The following GNA11 variants were observed in gnomAD, a reference collection of about 807,000 sequenced individuals.
GNA11 encodes the protein G protein subunit alpha 11, also known as guanine nucleotide-binding protein subunit alpha-11.
A neutral mutation model predicts 38.2 loss-of-function variants in GNA11; 8 were observed. The observed-to-expected ratio is 0.21, with a 90% confidence interval of 0.12 to 0.38. The LOEUF (loss-of-function observed/expected upper bound fraction) is 0.38. Among genes scored for constraint, GNA11 ranks in the 10% least tolerant of loss-of-function variants. The probability of loss-of-function intolerance (pLI) is 1.00; values close to 1 mark genes in which losing one functional copy is unlikely to be tolerated. For missense variants in GNA11, 268 were observed against 516.3 expected, an observed-to-expected ratio of 0.52 and a Z score of 4.66; for synonymous variants, 211 against 221.4, an observed-to-expected ratio of 0.95 and a Z score of 0.42.
intron 1 of GNA11, among the ~76,000 whole-genome samples, chr19:3,100,553 G>A (rs1913477436): frequency 6.6e-6 from 1 of 152,232 alleles, no homozygotes; most frequent in African/African-American, 2.4e-5. Context: ...TGCCCTGCAG[G>A]CTGGTCTGGT....
intron 1 of GNA11, among the ~76,000 whole-genome samples, chr19:3,104,766 C>T (rs308053): frequency 0.36 from 54,805 of 152,050 alleles, 10,767 homozygotes; most frequent in Non-Finnish European, 0.45. Flanking sequence ...AGGCTGCAGA[C>T]GGGCACTGCC....
chr19:3,099,353 G>A (rs2060074883), intron 1 of GNA11, among the ~76,000 whole-genome samples: 1 of 152,194 alleles, frequency 6.6e-6, no homozygotes, highest in African/African-American at 2.4e-5. Flanking sequence ...GCCCACCTGG[G>A]TGACTGAGAG....
rs1009242277 is a variant in GNA11 at position 3,102,635 on chromosome 19, G to A, written c.137-7514G>A. ...GGCAGCTTGTCCTCTCCGTGCCTCAGTTTCCCCTCCAGTCAATCAGGCGCT... is the reference window on the plus strand; with the variant it reads ...GGCAGCTTGTCCTCTCCGTGCCTCAATTTCCCCTCCAGTCAATCAGGCGCT... On this transcript the variant is annotated intron_variant, in intron 1 of 6. Transcript: ENST00000078429. Among the ~76,000 whole-genome samples the A allele has an allele frequency of 2.0e-5, 3 of 152,180 alleles. 1 individual carries two copies. Among genetic ancestry groups the A allele is most frequent in the African/African-American group, 7.2e-5 (3 of 41,464 alleles).
Position 3,094,596 on chromosome 19 carries a change from G to A in GNA11, c.-56G>A. 9 of 930,118 alleles carry A rather than the reference G, an allele frequency of 9.7e-6. No homozygotes were observed. The highest frequency in any genetic ancestry group is 1.2e-5 in the Non-Finnish European group (9 of 769,170). 57.6% of individuals were successfully genotyped at this position (930,118 alleles called of 1,614,324 possible). A position where few individuals can be genotyped will look rare whatever the true frequency, so the allele number is the denominator to read the frequency against. Reference sequence around the variant, plus strand: ...CCGAGGCGGCTCCGGCCAGGGCCGGGCCGGGGGCCGGGGGGCGGCGGCGGG... The same window carrying A: ...CCGAGGCGGCTCCGGCCAGGGCCGGACCGGGGGCCGGGGGGCGGCGGCGGG... On this transcript the variant is annotated 5_prime_UTR_variant, in exon 1 of 7. Coordinates refer to ENST00000078429, the MANE Select transcript of GNA11 (RefSeq NM_002067.5). This position sits in a 1 kb window ranked among gnomAD's most constrained non-coding sequence, Gnocchi z 6.0.
Position 3,113,475 on chromosome 19 carries a change from C to G in GNA11, c.467C>G (p.Ser156Cys). 1 of 1,602,402 alleles carries G rather than the reference C, an allele frequency of 6.2e-7. No homozygotes were observed. Among genetic ancestry groups the G allele is most frequent in the Non-Finnish European group, 8.5e-7 (1 of 1,173,114 alleles). Residue 156 changes from serine (S) to cysteine (C), a missense_variant, in exon 3 of 7, where the codon TCT becomes TGT. Ser to Cys is a moderately radical substitution (Grantham distance 112). Around this residue, in one of 3 missense-constraint regions of GNA11, gnomAD observed 151 missense variants for 254.0 expected, o/e 0.59. Transcript: ENST00000078429. ...AGGCGCGAGTACCAGCTCTCCGACT[C>G]TGCCAAGTAGTAAGTGCGGCCGCAC... ...DRRREYQLSD[S>C]AKYYLTDVDR...
At chr19:3,102,182 G>A (rs1405270263) in intron 1 of GNA11, among the ~76,000 whole-genome samples, 1 of 152,116 alleles carries the variant, frequency 6.6e-6, no homozygotes, top group Non-Finnish European at 1.5e-5. Flanking sequence ...TTCCAGTGGA[G>A]GGGTGGGGTC....
chr19:3,115,274 G>A (rs1694373862), intron 4 of GNA11: 3 of 529,324 alleles, frequency 5.7e-6, no homozygotes, highest in Non-Finnish European at 3.3e-6. Flanking sequence ...GCGTGGTTGT[G>A]TGCACCTGTG....
At position 3,121,254 on chromosome 19, in the gene GNA11, G is replaced by A. The variant is rs375406433; in HGVS notation, c.*75G>A. On this transcript the variant is annotated 3_prime_UTR_variant, in exon 7 of 7. Transcript: ENST00000078429. Reference sequence around the variant, plus strand: ...TCCACGGAGCCTGCGGCTGCCGGGCGGGTGGCGCTGCCGAGTCCGGGCCGG... The same window carrying A: ...TCCACGGAGCCTGCGGCTGCCGGGCAGGTGGCGCTGCCGAGTCCGGGCCGG... 7.3e-5 allele frequency: 89 copies of A among 1,227,460 alleles called. No homozygotes were observed. The Admixed American group carries it at 7.4e-4, about 10-fold the overall frequency. The allele number at this position is 1,227,460 out of a possible 1,614,324, so 76.0% of individuals were successfully genotyped here. A position where few individuals can be genotyped will look rare whatever the true frequency, so the allele number is the denominator to read the frequency against.
At chr19:3,118,559 CT>C (rs1322765621) in intron 4 of GNA11, 1 of 236,260 alleles carries the variant, frequency 4.2e-6, no homozygotes, top group African/African-American at 2.2e-5. Context: ...AGGGGAAAGG[CT>C]TCTGTGCTCA....
In GNA11 at chr19:3,119,103, CCTG is replaced by C; in HGVS notation, c.735+52_735+54del. 6.2e-7 allele frequency: 1 copy of C among 1,606,958 alleles called. No individual in the cohort carries two copies. The highest frequency in any genetic ancestry group is 1.3e-5 in the African/African-American group (1 of 74,922). On this transcript the variant is annotated intron_variant, in intron 5 of 6. Coordinates refer to ENST00000078429, the MANE Select transcript of GNA11 (RefSeq NM_002067.5). This position sits in a 1 kb window ranked among gnomAD's most constrained non-coding sequence, Gnocchi z 4.6. ...AGCGTTGGGGGCCGGGCCTTCCCCACCTGCCAAGCCTGGGTCCCCTCACCTGGG... is the reference window on the plus strand; with the variant it reads ...AGCGTTGGGGGCCGGGCCTTCCCCACCCAAGCCTGGGTCCCCTCACCTGGG...
chr19:3,108,688 G>A lies in GNA11; in HGVS notation c.137-1461G>A, dbSNP rs1278967237. Among the ~76,000 whole-genome samples, 1 of 152,208 alleles carries A rather than the reference G, an allele frequency of 6.6e-6. No individual in the cohort carries two copies. Among genetic ancestry groups the A allele is most frequent in the African/African-American group, 2.4e-5 (1 of 41,460 alleles). On this transcript the variant is annotated intron_variant, in intron 1 of 6. Transcript: ENST00000078429. This position sits in a 1 kb window ranked among gnomAD's most constrained non-coding sequence, Gnocchi z 4.5. ...TGTAATGGGGTCACCCCAAAACTTC[G>A]CAACTTAAATTAACAAAACTTATTT...
chr19:3,108,108 G>T lies in GNA11; in HGVS notation c.137-2041G>T, dbSNP rs974210828. 6.6e-6 allele frequency among the ~76,000 whole-genome samples: 1 copy of T among 152,192 alleles called. No homozygotes were observed. The highest frequency in any genetic ancestry group is 1.5e-5 in the Non-Finnish European group (1 of 68,026). ...CAGCTGCCACCGGGGCTCCCCACTCGGGATGTGTTGGGTGTTTTGCGAGAC... is the reference window on the plus strand; with the variant it reads ...CAGCTGCCACCGGGGCTCCCCACTCTGGATGTGTTGGGTGTTTTGCGAGAC... On this transcript the variant is annotated intron_variant, in intron 1 of 6. Coordinates refer to ENST00000078429, the MANE Select transcript of GNA11 (RefSeq NM_002067.5). The surrounding 1 kb of genome is among the most constrained non-coding windows in gnomAD (Gnocchi z 4.5).
chr19:3,103,517 A>ATTTTT (rs1568280006), intron 1 of GNA11, among the ~76,000 whole-genome samples: 3 of 60,344 alleles, frequency 5.0e-5, no homozygotes, highest in Admixed American at 1.9e-4. Context: ...CCGGCCTTGA[A>ATTTTT]TCTTTTTTTT....
At chr19:3,115,143 C>T (rs2145321447) in intron 4 of GNA11, 71 bp downstream of exon 4, 1 of 1,536,864 alleles carries the variant, frequency 6.5e-7, no homozygotes, top group Middle Eastern at 1.7e-4. Flanking sequence ...CCGGCTCATG[C>T]CTGCGCACCC....
At position 3,123,603 on chromosome 19, in the gene GNA11, C is replaced by T. The variant is rs1189888224; in HGVS notation, c.*2424C>T. ...CCATGTTACGCCCGGGCGGCAGCAG[C>T]CCCCGGCCACTGCAAACCCATGCCC... On this transcript the variant is annotated 3_prime_UTR_variant, in exon 7 of 7. Coordinates refer to ENST00000078429, the MANE Select transcript of GNA11 (RefSeq NM_002067.5). 4.3e-6 allele frequency: 1 copy of T among 232,954 alleles called. No homozygotes were observed. The highest frequency in any genetic ancestry group is 8.5e-6 in the Non-Finnish European group (1 of 117,814). 14.4% of individuals were successfully genotyped at this position (232,954 alleles called of 1,614,324 possible). A position where few individuals can be genotyped will look rare whatever the true frequency, so the allele number is the denominator to read the frequency against.
In GNA11 at chr19:3,119,504, C is replaced by T. The variant is rs2145327355; in HGVS notation, c.889+145C>T. On this transcript the variant is annotated intron_variant, in intron 6 of 6. Transcript: ENST00000078429. The surrounding 1 kb of genome is among the most constrained non-coding windows in gnomAD (Gnocchi z 4.6). ...GGTGTCATGTATGGGAGTGGAGTCTCAGGGAAGGGAGATCTCGTATGAGGG... is the reference window on the plus strand; with the variant it reads ...GGTGTCATGTATGGGAGTGGAGTCTTAGGGAAGGGAGATCTCGTATGAGGG... 4.6e-6 allele frequency: 3 copies of T among 645,710 alleles called. No homozygotes were observed. In the South Asian group the frequency reaches 6.7e-5, roughly 14 times the overall value. 40.0% of individuals were successfully genotyped at this position (645,710 alleles called of 1,614,324 possible).
Position 3,120,620 on chromosome 19 carries a change from G to A in GNA11, c.890-369G>A, listed in dbSNP as rs2145328442. 6.6e-6 allele frequency among the ~76,000 whole-genome samples: 1 copy of A among 152,304 alleles called. No individual in the cohort carries two copies. The highest frequency in any genetic ancestry group is 2.4e-5 in the African/African-American group (1 of 41,572). On this transcript the variant is annotated intron_variant, in intron 6 of 6. Coordinates refer to ENST00000078429, the MANE Select transcript of GNA11 (RefSeq NM_002067.5). The surrounding 1 kb of genome is among the most constrained non-coding windows in gnomAD (Gnocchi z 5.9). ...TGTAGGCTCTGTGCCCAGCCCTGGG[G>A]GCCTCTCCTCTCACCCTGGGCCTTC...
chr19:3,108,874 G>A lies in GNA11; in HGVS notation c.137-1275G>A, dbSNP rs1913698078. On this transcript the variant is annotated intron_variant, in intron 1 of 6. Coordinates refer to ENST00000078429, the MANE Select transcript of GNA11 (RefSeq NM_002067.5). This position sits in a 1 kb window ranked among gnomAD's most constrained non-coding sequence, Gnocchi z 4.5. The stretch of plus-strand genomic sequence containing the variant: ...GCCACTCACAAGTTGGCTCCCTCTA[G>A]TGGCTGTTGGTGGGAGGCCTCAGTT... Among the ~76,000 whole-genome samples the A allele has an allele frequency of 6.6e-6, 1 of 152,140 alleles. No individual in the cohort carries two copies.
In GNA11 at chr19:3,122,317, G is replaced by A. The variant is rs549308987; in HGVS notation, c.*1138G>A. On this transcript the variant is annotated 3_prime_UTR_variant, in exon 7 of 7. Transcript: ENST00000078429. The surrounding 1 kb of genome is among the most constrained non-coding windows in gnomAD (Gnocchi z 7.7). ...GTCCCAAGCACTTGCGCCCGCCCCC[G>A]AGCGCCGCCCCCGGGGAGCGGGAAG... 6.4e-5 allele frequency: 15 copies of A among 232,586 alleles called. No homozygotes were observed. Among genetic ancestry groups the A allele is most frequent in the South Asian group, 3.6e-4 (2 of 5,528 alleles). 14.4% of individuals were successfully genotyped at this position (232,586 alleles called of 1,614,324 possible).
Sources: allele counts gnomAD v4.1 joint callset (sites outside exome capture counted in the v4.1 genomes callset), GRCh38; gene constraint gnomAD v4.1.1; regional missense constraint gnomAD v4.1.1; non-coding constraint Gnocchi (gnomAD v3.1); transcripts MANE v1.5; gene names NCBI Gene and HGNC (gene_info 2026-07-23, HGNC 2026-07-21).